Variants in DLG2 observed in about 807,000 individuals in gnomAD.
DLG2 encodes the protein disks large homolog 2.
Under a neutral mutation model 132.5 loss-of-function variants are expected in DLG2, and 45 were observed. That is an observed-to-expected ratio of 0.34 (90% CI 0.27 to 0.44). The LOEUF is 0.44. Among genes scored for constraint, DLG2 ranks in the 20% least tolerant of loss-of-function variants. The pLI, the probability that DLG2 is intolerant of heterozygous loss-of-function variation, is 1.00. For synonymous variants in DLG2, 424 were observed against 419.6 expected, an observed-to-expected ratio of 1.01 and a Z score of -0.13; for missense variants, 1,045 against 1,196.9, an observed-to-expected ratio of 0.87 and a Z score of 1.87.
chr11:84,475,039 T>G (rs1319589990), intron 7 of DLG2, among the ~76,000 whole-genome samples: 4 of 152,134 alleles, frequency 2.6e-5, no homozygotes, highest in African/African-American at 7.2e-5. Context: ...AAAAATGACA[T>G]TTGCTATGAC....
At chr11:84,107,896 G>A (rs1024760607) in intron 9 of DLG2, among the ~76,000 whole-genome samples, 1 of 152,128 alleles carries the variant, frequency 6.6e-6, no homozygotes, top group Non-Finnish European at 1.5e-5. Flanking sequence ...GAGACACTTA[G>A]GGATCAGCTG....
At chr11:84,227,545 A>G (rs1188029494) in intron 8 of DLG2, among the ~76,000 whole-genome samples, 1 of 152,178 alleles carries the variant, frequency 6.6e-6, no homozygotes, top group African/African-American at 2.4e-5. Context: ...TTAAACTATA[A>G]TCATCTTGAG....
chr11:84,441,521 A>C (rs958014756), intron 7 of DLG2, among the ~76,000 whole-genome samples: 2 of 152,206 alleles, frequency 1.3e-5, no homozygotes, highest in African/African-American at 4.8e-5. Context: ...GAATGCCAAG[A>C]TCTTGATATT....
At chr11:83,963,491 C>T (rs2089403072) in intron 13 of DLG2, among the ~76,000 whole-genome samples, 1 of 151,872 alleles carries the variant, frequency 6.6e-6, no homozygotes, top group South Asian at 2.1e-4. Flanking sequence ...GAACTCTGGC[C>T]TTTCTTTTTC....
At chr11:85,199,866 A>C (rs1157426018) in intron 4 of DLG2, among the ~76,000 whole-genome samples, 1 of 152,234 alleles carries the variant, frequency 6.6e-6, no homozygotes, top group Non-Finnish European at 1.5e-5. Flanking sequence ...ATCATATAGA[A>C]AACAAAATAT....
At chr11:85,283,994 G>A (rs2078399015) in intron 4 of DLG2, among the ~76,000 whole-genome samples, 1 of 151,450 alleles carries the variant, frequency 6.6e-6, no homozygotes, top group Admixed American at 6.6e-5. Flanking sequence ...GCTTAAATAA[G>A]TTCCAAATCA....
At position 85,378,628 on chromosome 11, in the gene DLG2, TA is replaced by T. The variant is rs1251611169; in HGVS notation, c.41-93264del. Among the ~76,000 whole-genome samples the T allele has an allele frequency of 5.9e-5, 9 of 152,254 alleles. No individual in the cohort carries two copies. In the South Asian group the frequency reaches 8.3e-4, roughly 14 times the overall value. The stretch of plus-strand genomic sequence containing the variant: ...ATCTTTTCAAAATCTAACTGATTTT[TA>T]TACAAGAAAAACTACTACTTCAGCT... On this transcript the variant is annotated intron_variant, in intron 3 of 27. Coordinates refer to ENST00000376104, the MANE Select transcript of DLG2 (RefSeq NM_001142699.3).
intron 6 of DLG2, among the ~76,000 whole-genome samples, chr11:85,109,232 G>GA (rs2152312088): frequency 6.6e-6 from 1 of 152,144 alleles, no homozygotes; most frequent in East Asian, 1.9e-4. Context: ...AACTCCTTCA[G>GA]AAAATATGTG....
At chr11:84,482,875 C>CA (rs2099141417) in intron 7 of DLG2, among the ~76,000 whole-genome samples, 2 of 152,002 alleles carry the variant, frequency 1.3e-5, no homozygotes, top group Admixed American at 1.3e-4. Flanking sequence ...CAATGGGTAA[C>CA]AAAAAATTAA....
intron 7 of DLG2, among the ~76,000 whole-genome samples, chr11:84,290,732 T>G (rs1452371867): frequency 6.6e-6 from 1 of 152,182 alleles, no homozygotes; most frequent in Non-Finnish European, 1.5e-5. Flanking sequence ...TTTGTAGAGA[T>G]AGAATTAAAT....
intron 8 of DLG2, among the ~76,000 whole-genome samples, chr11:84,239,933 A>C (rs960330297): frequency 1.3e-5 from 2 of 152,194 alleles, no homozygotes; most frequent in African/African-American, 4.8e-5. Context: ...GCTTCTCCCC[A>C]ATATTCATTA....
At chr11:85,406,261 C>G (rs1352723848) in intron 3 of DLG2, among the ~76,000 whole-genome samples, 3 of 145,510 alleles carry the variant, frequency 2.1e-5, no homozygotes, top group Admixed American at 6.9e-5. Context: ...CTGACAGAGA[C>G]AGCAGGAGAA....
At chr11:83,991,024 C>T (rs2093680468) in intron 11 of DLG2, among the ~76,000 whole-genome samples, 1 of 152,184 alleles carries the variant, frequency 6.6e-6, no homozygotes, top group African/African-American at 2.4e-5. Flanking sequence ...CTGGTCTACA[C>T]TGATGAGAGA....
At chr11:84,098,035 C>CTTTTTTT (rs35298703) in intron 10 of DLG2, among the ~76,000 whole-genome samples, 21 of 121,788 alleles carry the variant, frequency 1.7e-4, no homozygotes, top group Admixed American at 2.7e-4. Flanking sequence ...CACCATGTGC[C>CTTTTTTT]TTTTTTTTTT....
chr11:85,418,153 C>G lies in DLG2; in HGVS notation c.41-132788G>C, dbSNP rs140432601. Among the ~76,000 whole-genome samples the G allele has an allele frequency of 8.8e-3, 1,342 of 152,200 alleles. 21 individuals are homozygous for G. Among genetic ancestry groups the G allele is most frequent in the African/African-American group, 0.03 (1,265 of 41,512 alleles). On this transcript the variant is annotated intron_variant, in intron 3 of 27. Coordinates refer to ENST00000376104, the MANE Select transcript of DLG2 (RefSeq NM_001142699.3). ...ATACAGTACACTTTGTTTTTGTTCTCATTGGTTTCAAAGAACTTATTTATT... is the reference window on the plus strand; with the variant it reads ...ATACAGTACACTTTGTTTTTGTTCTGATTGGTTTCAAAGAACTTATTTATT...
At chr11:83,825,080 TAC>T (rs1377615125) in intron 17 of DLG2, among the ~76,000 whole-genome samples, 3 of 147,716 alleles carry the variant, frequency 2.0e-5, no homozygotes, top group African/African-American at 7.5e-5. Context: ...CACATATATA[TAC>T]ACACATATAT....
intron 3 of DLG2, among the ~76,000 whole-genome samples, chr11:85,441,290 T>C (rs2091764852): frequency 6.6e-6 from 1 of 152,174 alleles, no homozygotes; most frequent in African/African-American, 2.4e-5. Context: ...ACTCTAAATA[T>C]GGTTTTCCTT....
intron 19 of DLG2, among the ~76,000 whole-genome samples, chr11:83,585,020 T>C (rs540230870): frequency 6.6e-6 from 1 of 152,198 alleles, no homozygotes; most frequent in Non-Finnish European, 1.5e-5. Flanking sequence ...GTGCTTTAAA[T>C]TTTTCATCTG....
chr11:84,444,888 C>T (rs147294126), intron 7 of DLG2, among the ~76,000 whole-genome samples: 87 of 151,990 alleles, frequency 5.7e-4, no homozygotes, highest in Non-Finnish European at 7.4e-4. Flanking sequence ...CTGCAACCTC[C>T]GCTTCCCAGG....
Sources: allele counts gnomAD v4.1 joint callset (sites outside exome capture counted in the v4.1 genomes callset), GRCh38; gene constraint gnomAD v4.1.1; transcripts MANE v1.5; gene names NCBI Gene and HGNC (gene_info 2026-07-23, HGNC 2026-07-21).